Variants in CTXND1 observed in about 807,000 individuals in gnomAD.
CTXND1 encodes the protein cortexin domain containing 1.
intron 1 of CTXND1, among the ~76,000 whole-genome samples, chr15:80,239,792 A>G (rs72740098): frequency 0.14 from 20,557 of 152,172 alleles, 1,778 homozygotes; most frequent in Non-Finnish European, 0.19. Flanking sequence ...TTCAAGGATC[A>G]CCATGCTCAG....
At chr15:80,241,702 A>C (rs966075915) in intron 1 of CTXND1, among the ~76,000 whole-genome samples, 1 of 152,142 alleles carries the variant, frequency 6.6e-6, no homozygotes, top group Non-Finnish European at 1.5e-5. Flanking sequence ...GGGCCTCATG[A>C]CTGTAGAGAC....
intron 1 of CTXND1, among the ~76,000 whole-genome samples, chr15:80,225,507 ATCTTCCATATCTCTTATT>A (rs1232944389): frequency 6.6e-6 from 1 of 152,052 alleles, no homozygotes; most frequent in East Asian, 1.9e-4. Flanking sequence ...TTATGGATTT[ATCTTCCATATCTCTTATT>A]TCTTTCTCTC....
At chr15:80,239,020 A>G (rs1893535591) in intron 1 of CTXND1, among the ~76,000 whole-genome samples, 1 of 152,200 alleles carries the variant, frequency 6.6e-6, no homozygotes, top group African/African-American at 2.4e-5. Context: ...ACTGAACTGA[A>G]CTGAATCTTC....
At chr15:80,219,381 A>G (rs1278143358) in intron 1 of CTXND1, among the ~76,000 whole-genome samples, 3 of 152,010 alleles carry the variant, frequency 2.0e-5, no homozygotes, top group Non-Finnish European at 4.4e-5. Context: ...CTTTTCCACT[A>G]CTGCATAGTA....
At position 80,203,602 on chromosome 15, in the gene CTXND1, T is replaced by C. The variant is rs1893111184; in HGVS notation, c.-79A>G. The stretch of plus-strand genomic sequence containing the variant: ...GGGGACACTGACCTGCTGACTGGAG[T>C]GGTCACCACTTCATAAGGACCCTGG... On this transcript the variant is annotated 5_prime_UTR_variant, in exon 2 of 3. Coordinates refer to ENST00000560778, the MANE Select transcript of CTXND1 (RefSeq NM_001352888.2). 1 of 151,982 alleles carries C rather than the reference T, an allele frequency of 6.6e-6. No homozygotes were observed. The highest frequency in any genetic ancestry group is 1.5e-5 in the Non-Finnish European group (1 of 68,100). 9.4% of individuals were successfully genotyped at this position (151,982 alleles called of 1,614,324 possible).
intron 1 of CTXND1, among the ~76,000 whole-genome samples, chr15:80,241,608 G>A (rs1484532209): frequency 6.6e-6 from 1 of 152,194 alleles, no homozygotes; most frequent in Admixed American, 6.5e-5. Flanking sequence ...AGGGCAGGGT[G>A]GGTGCTCAGT....
chr15:80,241,551 A>T (rs1427713752), intron 1 of CTXND1, among the ~76,000 whole-genome samples: 4 of 152,204 alleles, frequency 2.6e-5, no homozygotes, highest in African/African-American at 9.7e-5. Flanking sequence ...TAAGGGCTTC[A>T]GCTGCCATGA....
chr15:80,222,993 T>A (rs1243050145), intron 1 of CTXND1, among the ~76,000 whole-genome samples: 1 of 152,258 alleles, frequency 6.6e-6, no homozygotes, highest in African/African-American at 2.4e-5. Context: ...AAACTTCATA[T>A]AAATGGAATC....
At chr15:80,218,972 C>T (rs1318440914) in intron 1 of CTXND1, among the ~76,000 whole-genome samples, 1 of 150,152 alleles carries the variant, frequency 6.7e-6, no homozygotes, top group Non-Finnish European at 1.5e-5. Context: ...TGTGCTGTCG[C>T]CCAGGCTGGG....
chr15:80,243,305 T>A (rs999445248), intron 1 of CTXND1, among the ~76,000 whole-genome samples: 3 of 152,232 alleles, frequency 2.0e-5, no homozygotes, highest in Non-Finnish European at 4.4e-5. Context: ...AAGCTGTACA[T>A]TAGGCAGTGG....
chr15:80,211,213 T>C (rs1489460173), intron 1 of CTXND1, among the ~76,000 whole-genome samples: 1 of 152,164 alleles, frequency 6.6e-6, no homozygotes, highest in African/African-American at 2.4e-5. Flanking sequence ...CACCAGCTCC[T>C]GAAAATAGGA....
At chr15:80,213,931 C>G (rs1893226311) in intron 1 of CTXND1, among the ~76,000 whole-genome samples, 2 of 150,170 alleles carry the variant, frequency 1.3e-5, no homozygotes, top group African/African-American at 4.9e-5. Flanking sequence ...GTTACCTCTA[C>G]CACTAAGAGA....
rs116637157 is a variant in CTXND1, at chr15:80,203,649, G to A, written c.-126C>T. 3.6e-3 allele frequency: 550 copies of A among 152,606 alleles called. 3 individuals are homozygous for A. The highest frequency in any genetic ancestry group is 0.013 in the African/African-American group (536 of 41,558). 9.5% of individuals were successfully genotyped at this position (152,606 alleles called of 1,614,324 possible). A position where few individuals can be genotyped will look rare whatever the true frequency, so the allele number is the denominator to read the frequency against. The stretch of plus-strand genomic sequence containing the variant: ...CTGGCTGTTCCAGGAGGCACGAGGA[G>A]CGGTCAGGCATCATGGGGGTCACCC... On this transcript the variant is annotated 5_prime_UTR_variant, in exon 2 of 3. Transcript: ENST00000560778.
chr15:80,228,619 T>G (rs80244168), intron 1 of CTXND1, among the ~76,000 whole-genome samples: 11,221 of 143,362 alleles, frequency 0.078, 524 homozygotes, highest in Middle Eastern at 0.11. Context: ...AACGCTGAAA[T>G]GCTACAAAAT....
intron 1 of CTXND1, among the ~76,000 whole-genome samples, chr15:80,231,301 C>A (rs926957262): frequency 2.6e-5 from 4 of 151,582 alleles, no homozygotes; most frequent in Non-Finnish European, 5.9e-5. Flanking sequence ...CAAATCTAAG[C>A]TAGGAGAAGA....
At chr15:80,222,183 T>G (rs757239492) in intron 1 of CTXND1, among the ~76,000 whole-genome samples, 1 of 152,204 alleles carries the variant, frequency 6.6e-6, no homozygotes, top group Non-Finnish European at 1.5e-5. Flanking sequence ...GTTTATATTC[T>G]TTTTGTAAGG....
chr15:80,219,851 C>G (rs958746140), intron 1 of CTXND1, among the ~76,000 whole-genome samples: 2 of 152,230 alleles, frequency 1.3e-5, no homozygotes, highest in East Asian at 3.9e-4. Context: ...TTAATTTTCT[C>G]TTTCTCGTTT....
intron 1 of CTXND1, among the ~76,000 whole-genome samples, chr15:80,229,917 T>C (rs911814796): frequency 1.3e-5 from 2 of 152,144 alleles, no homozygotes; most frequent in Non-Finnish European, 2.9e-5. Flanking sequence ...AAAATTCTCC[T>C]TTCACCTCAG....
At chr15:80,205,836 C>T (rs529075965) in intron 1 of CTXND1, among the ~76,000 whole-genome samples, 2 of 152,238 alleles carry the variant, frequency 1.3e-5, no homozygotes, top group Admixed American at 1.3e-4. Flanking sequence ...AGCCTTTTTC[C>T]CTGGAAATAC....
Sources: allele counts gnomAD v4.1 joint callset (sites outside exome capture counted in the v4.1 genomes callset), GRCh38; gene constraint gnomAD v4.1.1; transcripts MANE v1.5; gene names NCBI Gene and HGNC (gene_info 2026-07-23, HGNC 2026-07-21).